Variants in ARID1B observed in about 807,000 individuals in gnomAD.
ARID1B encodes the protein AT-rich interactive domain-containing protein 1B.
A neutral mutation model predicts 212.3 loss-of-function variants in ARID1B; 30 were observed. The ratio of observed to expected loss-of-function variants is 0.14; its 90% confidence interval spans 0.11 to 0.19. ARID1B has a LOEUF of 0.19. Ranked by LOEUF, ARID1B falls within the 10% of genes least tolerant of loss-of-function variation. The pLI is 1.00. For synonymous variants in ARID1B, 1,402 were observed against 1,301.7 expected, an observed-to-expected ratio of 1.08 and a Z score of -1.66; for missense variants, 2,891 against 3,204.0, an observed-to-expected ratio of 0.90 and a Z score of 2.36.
intron 4 of ARID1B, among the ~76,000 whole-genome samples, chr6:156,958,463 T>C (rs1794127550): frequency 6.6e-6 from 1 of 152,248 alleles, no homozygotes; most frequent in African/African-American, 2.4e-5. Context: ...GGAGAATTTA[T>C]GAATTCATTT....
rs1317618926 is a variant in ARID1B, at chr6:156,778,759, C to T, written c.1079C>T (p.Pro360Leu). The T allele has an allele frequency of 5.3e-6, 8 of 1,523,368 alleles. No homozygotes were observed. The highest frequency in any genetic ancestry group is 6.2e-6 in the Non-Finnish European group (7 of 1,133,676). 94.4% of individuals were successfully genotyped at this position (1,523,368 alleles called of 1,614,324 possible). ...GCCTCCGCCGCCGCCGCCGGGGCCC[C>T]CGGCAGCATGGACCCCCTGCAGAAC... ...HSASAAAAGA[P>L]GSMDPLQNSH... Residue 360 changes from proline to leucine, a missense_variant, in exon 1 of 20, where the codon CCC becomes CTC. Around this residue, in one of 7 missense-constraint regions of ARID1B, gnomAD observed 1,643 missense variants for 1,544.0 expected, o/e 1.06. Transcript: ENST00000636930.
intron 4 of ARID1B, among the ~76,000 whole-genome samples, chr6:157,021,764 G>C (rs923514228): frequency 6.6e-6 from 1 of 152,018 alleles, no homozygotes; most frequent in African/African-American, 2.4e-5. Context: ...GCGGGAGGCG[G>C]CGGCCGCTCG....
intron 4 of ARID1B, among the ~76,000 whole-genome samples, chr6:157,042,691 CT>C (rs1222861945): frequency 2.7e-5 from 4 of 147,672 alleles, no homozygotes; most frequent in Admixed American, 6.8e-5. Context: ...CAGAGTCTCA[CT>C]GTGTCACCCA....
chr6:156,930,352 A>C (rs1376588167), intron 3 of ARID1B, among the ~76,000 whole-genome samples: 1 of 151,464 alleles, frequency 6.6e-6, no homozygotes, highest in Admixed American at 6.6e-5. Context: ...GAGCCACCTC[A>C]CTCCCCTTTT....
At chr6:157,137,480 A>G (rs1396141643) in intron 7 of ARID1B, among the ~76,000 whole-genome samples, 1 of 152,246 alleles carries the variant, frequency 6.6e-6, no homozygotes, top group Non-Finnish European at 1.5e-5. Flanking sequence ...TATGGGAAAA[A>G]GAGAGCTAAA....
At chr6:156,997,729 CTTTATA>C (rs1187162599) in intron 4 of ARID1B, among the ~76,000 whole-genome samples, 2 of 150,156 alleles carry the variant, frequency 1.3e-5, no homozygotes, top group Non-Finnish European at 3.0e-5. Context: ...ATTTCTAGAA[CTTTATA>C]TTTAAGTTTA....
At chr6:156,895,756 C>CACA (rs1562466731) in intron 2 of ARID1B, among the ~76,000 whole-genome samples, 5 of 150,322 alleles carry the variant, frequency 3.3e-5, no homozygotes, top group Non-Finnish European at 7.4e-5. Flanking sequence ...ACACACACAC[C>CACA]CACATACACA....
At position 156,778,814 on chromosome 6, in the gene ARID1B, C is replaced by T. The variant is rs1251610007; in HGVS notation, c.1134C>T (p.Cys378=). The stretch of plus-strand genomic sequence containing the variant: ...ACGAAGGGTACCCCAACAGCCAGTG[C>T]AACCATTATCCGGGCTACAGCCGGC... ...NSHEGYPNSQ[C]NHYPGYSRPG... Residue 378 remains cysteine, a synonymous_variant, in exon 1 of 20, where the codon TGC becomes TGT. Transcript: ENST00000636930. 6.7e-7 allele frequency: 1 copy of T among 1,483,686 alleles called. No homozygotes were observed. The highest frequency in any genetic ancestry group is 1.3e-5 in the South Asian group (1 of 77,254). 91.9% of individuals were successfully genotyped at this position (1,483,686 alleles called of 1,614,324 possible).
chr6:156,959,091 T>A (rs1794175208), intron 4 of ARID1B, among the ~76,000 whole-genome samples: 1 of 152,190 alleles, frequency 6.6e-6, no homozygotes, highest in East Asian at 1.9e-4. Context: ...AAAGATGAAA[T>A]GCAAAATGAA....
intron 1 of ARID1B, among the ~76,000 whole-genome samples, chr6:156,816,723 C>G (rs1238194359): frequency 2.6e-5 from 4 of 152,150 alleles, no homozygotes; most frequent in African/African-American, 9.7e-5. Context: ...GAGTTGTGTG[C>G]TCAGGCATCG....
chr6:156,802,823 A>G lies in ARID1B; in HGVS notation c.1791+23352A>G, dbSNP rs142540284. Among the ~76,000 whole-genome samples the G allele has an allele frequency of 4.4e-3, 673 of 152,382 alleles. 6 individuals carry two copies. Among genetic ancestry groups the G allele is most frequent in the African/African-American group, 0.016 (645 of 41,586 alleles). On this transcript the variant is annotated intron_variant, in intron 1 of 19. Transcript: ENST00000636930. Reference sequence around the variant, plus strand: ...TATTTCTAAGTATTTTTAGCATCTCATAAGCAAAGAGGTGGATGAATATAT... The same window carrying G: ...TATTTCTAAGTATTTTTAGCATCTCGTAAGCAAAGAGGTGGATGAATATAT...
At chr6:156,958,431 C>T (rs1424972631) in intron 4 of ARID1B, among the ~76,000 whole-genome samples, 2 of 152,110 alleles carry the variant, frequency 1.3e-5, no homozygotes, top group South Asian at 2.1e-4. Context: ...AAACCTAATT[C>T]GTTTTATTTA....
At chr6:156,898,716 A>G (rs1788686893) in intron 2 of ARID1B, among the ~76,000 whole-genome samples, 1 of 152,208 alleles carries the variant, frequency 6.6e-6, no homozygotes, top group Admixed American at 6.5e-5. Context: ...TCACATCTGT[A>G]ATCCCAGCAC....
chr6:156,834,831 A>G (rs1226492927), intron 2 of ARID1B, among the ~76,000 whole-genome samples: 1 of 152,206 alleles, frequency 6.6e-6, no homozygotes, highest in Non-Finnish European at 1.5e-5. Flanking sequence ...GAAGGTATTT[A>G]AGGTTTACCA....
At chr6:156,931,814 T>A (rs55858060) in intron 3 of ARID1B, among the ~76,000 whole-genome samples, 1 of 151,318 alleles carries the variant, frequency 6.6e-6, no homozygotes, top group Non-Finnish European at 1.5e-5. Flanking sequence ...GATACAAAAT[T>A]AGCAAGGCAT....
rs146893511 is a variant in ARID1B, at chr6:157,085,003, G to T, written c.2491+98G>T. ...ACATTACTTTACTATTTAAAACCTA[G>T]TGGCCACATATTAAGAGTATAACTG... On this transcript the variant is annotated intron_variant, in intron 5 of 19. Coordinates refer to ENST00000636930, the MANE Select transcript of ARID1B (RefSeq NM_001374828.1). The T allele has an allele frequency of 1.7e-5, 24 of 1,428,534 alleles. No homozygotes were observed. The African/African-American group carries it at 2.3e-4, about 14-fold the overall frequency. The allele number at this position is 1,428,534 out of a possible 1,614,324, so 88.5% of individuals were successfully genotyped here. A position where few individuals can be genotyped will look rare whatever the true frequency, so the allele number is the denominator to read the frequency against.
At chr6:156,931,384 C>T (rs1278552498) in intron 3 of ARID1B, among the ~76,000 whole-genome samples, 1 of 152,120 alleles carries the variant, frequency 6.6e-6, no homozygotes, top group Non-Finnish European at 1.5e-5. Flanking sequence ...TTCTACTAGG[C>T]CCTTGTAATA....
At position 157,022,715 on chromosome 6, in the gene ARID1B, C is replaced by G. The variant is rs143174201; in HGVS notation, c.2248-61947C>G. ...GAACTATATAATTTGACCATAAATT[C>G]TAATTTGTTCTCTTGTTGATAATTC... On this transcript the variant is annotated intron_variant, in intron 4 of 19. Coordinates refer to ENST00000636930, the MANE Select transcript of ARID1B (RefSeq NM_001374828.1). The G allele has an allele frequency of 2.0e-4, 30 of 151,990 alleles. No individual in the cohort carries two copies. The East Asian group carries it at 5.6e-3, about 28-fold the overall frequency. The allele number at this position is 151,990 out of a possible 1,614,324, so 9.4% of individuals were successfully genotyped here.
chr6:157,180,430 C>T (rs1329882702), intron 11 of ARID1B, among the ~76,000 whole-genome samples: 1 of 151,984 alleles, frequency 6.6e-6, no homozygotes, highest in African/African-American at 2.4e-5. Flanking sequence ...CACTGGTTCC[C>T]GTGACTGGAA....
Sources: allele counts gnomAD v4.1 joint callset (sites outside exome capture counted in the v4.1 genomes callset), GRCh38; gene constraint gnomAD v4.1.1; regional missense constraint gnomAD v4.1.1; transcripts MANE v1.5; gene names NCBI Gene and HGNC (gene_info 2026-07-23, HGNC 2026-07-21).